Variants in GTF2IRD1 observed in about 807,000 individuals in gnomAD.
The protein encoded by GTF2IRD1 is general transcription factor II-I repeat domain-containing protein 1.
GTF2IRD1 carries 26 observed loss-of-function variants against 113.2 expected under a neutral mutation model. That is an observed-to-expected ratio of 0.23 (90% CI 0.17 to 0.32). GTF2IRD1 has a LOEUF of 0.32. Ranked by LOEUF, GTF2IRD1 falls within the 10% of genes least tolerant of loss-of-function variation. The probability of loss-of-function intolerance (pLI) is 1.00; values close to 1 mark genes in which losing one functional copy is unlikely to be tolerated. For missense variants in GTF2IRD1, 864 were observed against 1,280.8 expected (o/e 0.67, Z 4.97); for synonymous variants, 484 against 529.1 (o/e 0.91, Z 1.17).
intron 1 of GTF2IRD1, among the ~76,000 whole-genome samples, chr7:74,494,328 G>C (rs1317662180): frequency 6.6e-6 from 1 of 152,214 alleles, no homozygotes; most frequent in Non-Finnish European, 1.5e-5. Flanking sequence ...CTGGCCCGGG[G>C]CCTGAGCCGA....
chr7:74,521,583 G>A (rs587625709), intron 7 of GTF2IRD1, among the ~76,000 whole-genome samples: 2 of 152,152 alleles, frequency 1.3e-5, no homozygotes, highest in African/African-American at 2.4e-5. Context: ...GCAATGTAGC[G>A]AAATGCTGTC....
chr7:74,474,054 T>C (rs1432998128), intron 1 of GTF2IRD1, among the ~76,000 whole-genome samples: 1 of 145,228 alleles, frequency 6.9e-6, no homozygotes, highest in African/African-American at 2.5e-5. Flanking sequence ...CGAAACCCCA[T>C]CTCTACTAAA....
intron 26 of GTF2IRD1, chr7:74,602,134 C>G (rs1802800118): frequency 5.7e-6 from 2 of 351,962 alleles, no homozygotes; most frequent in East Asian, 9.3e-5. Flanking sequence ...CCCAGCTACT[C>G]GGGAGGCTGA....
chr7:74,517,323 C>A (rs1275472178), intron 4 of GTF2IRD1, among the ~76,000 whole-genome samples: 2 of 151,622 alleles, frequency 1.3e-5, no homozygotes, highest in African/African-American at 4.8e-5. Context: ...CCACGCCCAG[C>A]CTCTCCCATC....
intron 1 of GTF2IRD1, among the ~76,000 whole-genome samples, chr7:74,483,552 A>C (rs922391583): frequency 1.3e-5 from 2 of 151,922 alleles, no homozygotes; most frequent in Non-Finnish European, 1.5e-5. Context: ...TCTACAAAAA[A>C]AATTTTTAAA....
rs1372668963 is a variant in GTF2IRD1 at position 74,540,227 on chromosome 7, A to G, written c.1618+259A>G. Among the ~76,000 whole-genome samples, 66 of 151,662 alleles carry G rather than the reference A, an allele frequency of 4.4e-4. 1 individual carries two copies. Among genetic ancestry groups the G allele is most frequent in the Non-Finnish European group, 1.5e-5 (1 of 67,912 alleles). Reference sequence around the variant, plus strand: ...AGTGGCACGATCTCGGCTCACCGCAACCTCTGCCTCCCAGGTTCAAGTGAT... The same window carrying G: ...AGTGGCACGATCTCGGCTCACCGCAGCCTCTGCCTCCCAGGTTCAAGTGAT... On this transcript the variant is annotated intron_variant, in intron 14 of 26. Transcript: ENST00000424337.
Position 74,521,771 on chromosome 7 carries a change from G to A in GTF2IRD1, c.1006+474G>A, listed in dbSNP as rs587675166. Among the ~76,000 whole-genome samples, 95 of 152,130 alleles carry A rather than the reference G, an allele frequency of 6.2e-4. 1 individual carries two copies. Among genetic ancestry groups the A allele is most frequent in the African/African-American group, 2.2e-3 (93 of 41,514 alleles). The stretch of plus-strand genomic sequence containing the variant: ...TTAGACCCTATCTCTAAAAAAAGTT[G>A]TAACAAAAAATAAAATAAATAACCC... On this transcript the variant is annotated intron_variant, in intron 7 of 26. Coordinates refer to ENST00000424337, the MANE Select transcript of GTF2IRD1 (RefSeq NM_005685.4).
chr7:74,482,483 C>T (rs910155368), intron 1 of GTF2IRD1, among the ~76,000 whole-genome samples: 1 of 152,106 alleles, frequency 6.6e-6, no homozygotes, highest in Admixed American at 6.6e-5. Flanking sequence ...CTGCCTCAGC[C>T]TCCCAAAGTG....
intron 1 of GTF2IRD1, among the ~76,000 whole-genome samples, chr7:74,482,352 C>T (rs1438984080): frequency 1.3e-5 from 2 of 151,300 alleles, no homozygotes; most frequent in Non-Finnish European, 2.9e-5. Flanking sequence ...CTTAGCCTCC[C>T]GAGTAGCTGG....
At chr7:74,563,234 T>G (rs1249080410) in intron 22 of GTF2IRD1, among the ~76,000 whole-genome samples, 4 of 152,038 alleles carry the variant, frequency 2.6e-5, no homozygotes, top group Non-Finnish European at 5.9e-5. Flanking sequence ...CAGCAGGGAA[T>G]TCCCAGGAGG....
At chr7:74,590,241 C>T (rs1177186204) in intron 23 of GTF2IRD1, among the ~76,000 whole-genome samples, 8 of 151,890 alleles carry the variant, frequency 5.3e-5, no homozygotes, top group South Asian at 2.1e-4. Flanking sequence ...CCAACACTCC[C>T]GGCTAATTTT....
At chr7:74,583,490 C>T (rs1389444357) in intron 22 of GTF2IRD1, among the ~76,000 whole-genome samples, 1 of 151,016 alleles carries the variant, frequency 6.6e-6, no homozygotes, top group African/African-American at 2.4e-5. Flanking sequence ...CTACATCCGG[C>T]CAGTTCTTGG....
intron 1 of GTF2IRD1, among the ~76,000 whole-genome samples, chr7:74,460,242 C>T (rs1172956884): frequency 2.6e-5 from 4 of 151,456 alleles, no homozygotes; most frequent in Non-Finnish European, 4.4e-5. Flanking sequence ...AGCCACTGTA[C>T]CCAGCCAGCA....
chr7:74,528,436 C>G (rs980847262), intron 8 of GTF2IRD1, among the ~76,000 whole-genome samples: 1 of 152,032 alleles, frequency 6.6e-6, no homozygotes, highest in Non-Finnish European at 1.5e-5. Flanking sequence ...CTCCTGGGCT[C>G]AAGCATTTCC....
chr7:74,589,842 C>G lies in GTF2IRD1; in HGVS notation c.2321-9C>G. The G allele has an allele frequency of 6.3e-7, 1 of 1,585,642 alleles. No homozygotes were observed. Among genetic ancestry groups the G allele is most frequent in the Non-Finnish European group, 8.7e-7 (1 of 1,154,166 alleles). On this transcript the variant is annotated splice_polypyrimidine_tract_variant and intron_variant, in intron 22 of 26. Coordinates refer to ENST00000424337, the MANE Select transcript of GTF2IRD1 (RefSeq NM_005685.4). ...CCAACTCTCATGCCCCCTTGTCTTC[C>G]TCTTGTAGATGAAGATGACGCCAAC...
rs141997700 is a variant in GTF2IRD1, at chr7:74,515,495, G to A, written c.320G>A (p.Gly107Asp). Residue 107 changes from glycine to aspartate, a missense_variant, in exon 4 of 27, where the codon GGC becomes GAC. Gly to Asp is a moderately conservative substitution (Grantham distance 94, BLOSUM62 -1). Around this residue, in one of 7 missense-constraint regions of GTF2IRD1, gnomAD observed 182 missense variants for 266.6 expected, o/e 0.68. Transcript: ENST00000424337. ...GAGCACCCCAAGAAGGTGCAGCGGG[G>A]CGAGGGTGGAGGCCGTAGCCTCCCT... ...EAEHPKKVQRGEGGGRSLPRS... is the reference protein window; with the variant it reads ...EAEHPKKVQRDEGGGRSLPRS... 1.2e-6 allele frequency: 2 copies of A among 1,612,362 alleles called. No homozygotes were observed. The highest frequency in any genetic ancestry group is 1.7e-6 in the Non-Finnish European group (2 of 1,179,206).
intron 22 of GTF2IRD1, chr7:74,570,975 C>T (rs1800664059): frequency 2.7e-6 from 1 of 375,796 alleles, no homozygotes. Context: ...TCTCCAGTTC[C>T]CTTTTGGGCA....
intron 22 of GTF2IRD1, among the ~76,000 whole-genome samples, chr7:74,561,778 T>C (rs1167589596): frequency 6.6e-5 from 10 of 151,816 alleles, no homozygotes; most frequent in Admixed American, 6.6e-4. Flanking sequence ...TGGGACAAGG[T>C]GGTATTCTAG....
At chr7:74,504,879 T>C (rs1334700139) in intron 1 of GTF2IRD1, among the ~76,000 whole-genome samples, 1 of 151,868 alleles carries the variant, frequency 6.6e-6, no homozygotes, top group African/African-American at 2.4e-5. Flanking sequence ...GGCTAATTTT[T>C]GTATTTTTAG....
Sources: allele counts gnomAD v4.1 joint callset (sites outside exome capture counted in the v4.1 genomes callset), GRCh38; gene constraint gnomAD v4.1.1; regional missense constraint gnomAD v4.1.1; transcripts MANE v1.5; gene names NCBI Gene and HGNC (gene_info 2026-07-23, HGNC 2026-07-21).